The following CPA6 variants were observed in gnomAD, a reference collection of about 807,000 sequenced individuals.
CPA6 encodes the protein carboxypeptidase A6, also known as carboxypeptidase B.
Under a neutral mutation model 63.3 loss-of-function variants are expected in CPA6, and 58 were observed. That is an observed-to-expected ratio of 0.92 (90% CI 0.74 to 1.14). The LOEUF (loss-of-function observed/expected upper bound fraction) is 1.14, where lower values mean the gene tolerates loss of function less well. Among genes scored for constraint, CPA6 ranks in the 50% most tolerant of loss-of-function variants. The pLI, the probability that CPA6 is intolerant of heterozygous loss-of-function variation, is 0.00. For missense variants in CPA6, 565 were observed against 526.6 expected, an observed-to-expected ratio of 1.07 and a Z score of -0.71; for synonymous variants, 185 against 179.0, an observed-to-expected ratio of 1.03 and a Z score of -0.27.
intron 2 of CPA6, among the ~76,000 whole-genome samples, chr8:67,554,602 C>A (rs114110325): frequency 0.019 from 2,921 of 152,248 alleles, 102 homozygotes; most frequent in African/African-American, 0.065. Context: ...GCTGGAGAAC[C>A]AGGAAAGCCC....
chr8:67,558,278 G>T (rs999824316), intron 2 of CPA6, among the ~76,000 whole-genome samples: 5 of 152,102 alleles, frequency 3.3e-5, no homozygotes, highest in East Asian at 1.9e-4. Flanking sequence ...AACACCCAAA[G>T]AAATGCATTT....
rs72657211 is a variant in CPA6 at position 67,544,546 on chromosome 8, G to A, written c.193-26499C>T. On this transcript the variant is annotated intron_variant, in intron 2 of 10. Transcript: ENST00000297770. Reference sequence around the variant, plus strand: ...AAAAGCTCATGCACCAAAAACAGATGTCCCATATCCTCGAGGAGTTGAGTC... The same window carrying A: ...AAAAGCTCATGCACCAAAAACAGATATCCCATATCCTCGAGGAGTTGAGTC... Among the ~76,000 whole-genome samples, 1,325 of 152,284 alleles carry A rather than the reference G, an allele frequency of 8.7e-3. 6 individuals carry two copies. The highest frequency in any genetic ancestry group is 0.014 in the Non-Finnish European group (972 of 68,010).
chr8:67,713,095 GTGTGTATATATATATATATATATATA>G (rs1366300529), intron 1 of CPA6, among the ~76,000 whole-genome samples: 15 of 86,358 alleles, frequency 1.7e-4, no homozygotes, highest in South Asian at 4.2e-4. Context: ...GTGTGTGTGT[GTGTGTATATATATATATATATATATA>G]TATATATATA....
intron 1 of CPA6, among the ~76,000 whole-genome samples, chr8:67,740,214 G>A (rs143502362): frequency 1.1e-3 from 168 of 152,320 alleles, no homozygotes; most frequent in African/African-American, 3.7e-3. Context: ...GCAACCCCAG[G>A]CCAGTCCTGG....
chr8:67,499,487 C>T (rs1563977354), intron 6 of CPA6, among the ~76,000 whole-genome samples: 1 of 152,152 alleles, frequency 6.6e-6, no homozygotes, highest in Non-Finnish European at 1.5e-5. Flanking sequence ...AGACAGATAC[C>T]ATATACCACT....
intron 1 of CPA6, among the ~76,000 whole-genome samples, chr8:67,725,221 T>C (rs1817574708): frequency 6.6e-6 from 1 of 152,244 alleles, no homozygotes; most frequent in African/African-American, 2.4e-5. Context: ...TGTTTACTTG[T>C]TCATTGTTTG....
chr8:67,564,277 C>A (rs541376475), intron 2 of CPA6, among the ~76,000 whole-genome samples: 1 of 152,054 alleles, frequency 6.6e-6, no homozygotes. Flanking sequence ...GTGGTAAAAC[C>A]CAGATTTTTC....
intron 2 of CPA6, among the ~76,000 whole-genome samples, chr8:67,528,073 C>A (rs938732249): frequency 6.6e-6 from 1 of 152,180 alleles, no homozygotes; most frequent in African/African-American, 2.4e-5. Flanking sequence ...CGAAAGCCTG[C>A]AGAATTTCAG....
At chr8:67,525,309 G>GT (rs1303858471) in intron 2 of CPA6, among the ~76,000 whole-genome samples, 1 of 152,070 alleles carries the variant, frequency 6.6e-6, no homozygotes, top group Admixed American at 6.6e-5. Context: ...TAGTTGTTTT[G>GT]TCATTAAAGA....
At chr8:67,621,008 G>A (rs1238207745) in intron 2 of CPA6, among the ~76,000 whole-genome samples, 1 of 152,212 alleles carries the variant, frequency 6.6e-6, no homozygotes, top group Admixed American at 6.5e-5. Flanking sequence ...TCTTCTGGGA[G>A]TCTGGAATTT....
chr8:67,612,113 A>G (rs958336616), intron 2 of CPA6, among the ~76,000 whole-genome samples: 8 of 152,190 alleles, frequency 5.3e-5, no homozygotes, highest in Non-Finnish European at 7.3e-5. Context: ...ATACAAATTC[A>G]TGGACAAAAT....
intron 10 of CPA6, among the ~76,000 whole-genome samples, chr8:67,423,825 A>T (rs574478284): frequency 2.6e-5 from 4 of 152,056 alleles, no homozygotes; most frequent in African/African-American, 9.6e-5. Flanking sequence ...GGGGTCCCCA[A>T]CCCCCAGGCC....
rs116849771 is a variant in CPA6 at position 67,581,069 on chromosome 8, G to A, written c.192+43107C>T. Among the ~76,000 whole-genome samples, 389 of 152,248 alleles carry A rather than the reference G, an allele frequency of 2.6e-3. 1 individual carries two copies. The highest frequency in any genetic ancestry group is 6.0e-3 in the South Asian group (29 of 4,824). On this transcript the variant is annotated intron_variant, in intron 2 of 10. Coordinates refer to ENST00000297770, the MANE Select transcript of CPA6 (RefSeq NM_020361.5). ...CCAAAAATTGGTAGGGGATATCCAT[G>A]TTGACGAGGGATGTCTTGACTGAAA...
At position 67,713,095 on chromosome 8, in the gene CPA6, G is replaced by GTATATATATA. The variant is rs755642095; in HGVS notation, c.116+32918_116+32919insTATATATATA. 2.8e-3 allele frequency among the ~76,000 whole-genome samples: 239 copies of GTATATATATA among 86,236 alleles called. 6 individuals carry two copies. Among genetic ancestry groups the GTATATATATA allele is most frequent in the East Asian group, 3.9e-3 (13 of 3,300 alleles). The allele number at this position is 86,236 out of a possible 152,430, so 56.6% of individuals were successfully genotyped here. A position where few individuals can be genotyped will look rare whatever the true frequency, so the allele number is the denominator to read the frequency against. On this transcript the variant is annotated intron_variant, in intron 1 of 10. Transcript: ENST00000297770. ...TATCTGTGTGTGTATGTGTGTGTGT[G>GTATATATATA]TGTGTATATATATATATATATATAT...
chr8:67,471,665 C>T (rs892773171), intron 8 of CPA6, among the ~76,000 whole-genome samples: 10 of 152,004 alleles, frequency 6.6e-5, no homozygotes, highest in South Asian at 2.1e-4. Context: ...CATACCTCAG[C>T]GTTTCAAACA....
intron 2 of CPA6, among the ~76,000 whole-genome samples, chr8:67,533,964 G>A (rs180687145): frequency 7.9e-5 from 12 of 152,334 alleles, no homozygotes; most frequent in Non-Finnish European, 1.6e-4. Context: ...TGTGGTTGAC[G>A]AAAAGGTGCC....
At chr8:67,491,479 T>C (rs1249700194) in intron 6 of CPA6, among the ~76,000 whole-genome samples, 1 of 152,128 alleles carries the variant, frequency 6.6e-6, no homozygotes, top group Non-Finnish European at 1.5e-5. Flanking sequence ...GACTAGAAAA[T>C]GTTGCCAATT....
intron 1 of CPA6, among the ~76,000 whole-genome samples, chr8:67,628,091 T>C (rs1263433561): frequency 6.6e-6 from 1 of 152,036 alleles, no homozygotes; most frequent in Non-Finnish European, 1.5e-5. Context: ...TGTGTGCCTG[T>C]AGTCCCAGCT....
chr8:67,613,812 C>T (rs939202475), intron 2 of CPA6, among the ~76,000 whole-genome samples: 2 of 152,168 alleles, frequency 1.3e-5, no homozygotes, highest in Non-Finnish European at 2.9e-5. Flanking sequence ...GCCCCCTATC[C>T]TGCACCCATA....
Sources: allele counts gnomAD v4.1 joint callset (sites outside exome capture counted in the v4.1 genomes callset), GRCh38; gene constraint gnomAD v4.1.1; transcripts MANE v1.5; gene names NCBI Gene and HGNC (gene_info 2026-07-23, HGNC 2026-07-21).